The following FAM167A variants were observed in gnomAD, a reference collection of about 807,000 sequenced individuals.
FAM167A encodes family with sequence similarity 167 member A, also known as protein FAM167A.
In FAM167A, 23 loss-of-function variants were observed where a neutral mutation model predicts 14.9. That is an observed-to-expected ratio of 1.55 (90% CI 1.11 to 2.19). FAM167A has a LOEUF of 2.19. Among genes scored for constraint, FAM167A ranks in the 30% most tolerant of loss-of-function variants. The pLI, the probability that FAM167A is intolerant of heterozygous loss-of-function variation, is 0.00. For missense variants in FAM167A, 401 were observed against 281.5 expected (o/e 1.42, Z -3.04); for synonymous variants, 174 against 117.7 (o/e 1.48, Z -3.10).
chr8:11,472,297 C>T (rs986815135), upstream of FAM167A, among the ~76,000 whole-genome samples: 3 of 152,150 alleles, frequency 2.0e-5, no homozygotes, highest in African/African-American at 7.2e-5. Context: ...GCTGTTTTAT[C>T]TTGTGAACAC....
chr8:11,433,463 C>G (rs150727672), intron 2 of FAM167A, among the ~76,000 whole-genome samples: 54 of 152,286 alleles, frequency 3.5e-4, no homozygotes, highest in African/African-American at 1.2e-3. Context: ...CTTACGAAAC[C>G]CTCTGTTCTT....
In FAM167A at chr8:11,444,441, C is replaced by G. The variant is rs199861671; in HGVS notation, c.-30G>C. On this transcript the variant is annotated 5_prime_UTR_variant, in exon 2 of 3. Transcript: ENST00000284486. ...CAGTCTGCCCTGGCAGCCGGACATGCGAGGGCACGGGGGGCGCAGGGGGAG... is the reference window on the plus strand; with the variant it reads ...CAGTCTGCCCTGGCAGCCGGACATGGGAGGGCACGGGGGGCGCAGGGGGAG... 6.6e-7 allele frequency: 1 copy of G among 1,504,274 alleles called. No homozygotes were observed. The highest frequency in any genetic ancestry group is 1.3e-5 in the South Asian group (1 of 75,070). 93.2% of individuals were successfully genotyped at this position (1,504,274 alleles called of 1,614,324 possible).
chr8:11,446,013 G>C (rs1255674183), intron 1 of FAM167A, among the ~76,000 whole-genome samples: 12 of 128,872 alleles, frequency 9.3e-5, no homozygotes, highest in Non-Finnish European at 1.8e-4. Context: ...AAAACATCCC[G>C]GCCAAAAAAA....
intron 2 of FAM167A, 190 bp downstream of exon 2, chr8:11,443,841 T>TC (rs937518276): frequency 2.1e-5 from 14 of 675,102 alleles, no homozygotes; most frequent in African/African-American, 9.5e-5. Flanking sequence ...GACACCTGGG[T>TC]CCCCCCAGCC....
At chr8:11,428,547 G>A (rs894895097) in intron 2 of FAM167A, among the ~76,000 whole-genome samples, 1 of 152,252 alleles carries the variant, frequency 6.6e-6, no homozygotes. Flanking sequence ...AACATGAGGA[G>A]GGGGCTGGGA....
At chr8:11,449,701 G>C (rs1415528271) in intron 1 of FAM167A, among the ~76,000 whole-genome samples, 3 of 152,200 alleles carry the variant, frequency 2.0e-5, no homozygotes, top group African/African-American at 7.2e-5. Flanking sequence ...GGGCGCGTCA[G>C]CCTTTCTGCA....
intron 1 of FAM167A, among the ~76,000 whole-genome samples, chr8:11,456,824 G>C (rs1255642433): frequency 1.3e-5 from 2 of 149,110 alleles, no homozygotes; most frequent in Non-Finnish European, 3.0e-5. Flanking sequence ...TTAGGGACGT[G>C]GGTGGGGCTG....
intron 1 of FAM167A, among the ~76,000 whole-genome samples, chr8:11,445,868 G>T (rs903027594): frequency 2.0e-5 from 3 of 152,050 alleles, no homozygotes; most frequent in Admixed American, 1.3e-4. Flanking sequence ...AAAAAAGAAT[G>T]AATTGATATG....
intron 1 of FAM167A, among the ~76,000 whole-genome samples, chr8:11,456,796 G>A (rs536244823): frequency 5.4e-4 from 80 of 148,612 alleles, no homozygotes; most frequent in African/African-American, 1.9e-3. Flanking sequence ...CTGGCTAAGG[G>A]AAGTGAGTGG....
upstream of FAM167A, among the ~76,000 whole-genome samples, chr8:11,471,437 G>C (rs755753288): frequency 7.2e-5 from 11 of 152,148 alleles, no homozygotes; most frequent in Non-Finnish European, 1.5e-4. Context: ...GCTGGCTCAA[G>C]GTGATGAGGC....
At chr8:11,428,457 T>C (rs960029357) in intron 2 of FAM167A, among the ~76,000 whole-genome samples, 3 of 152,188 alleles carry the variant, frequency 2.0e-5, no homozygotes, top group African/African-American at 7.2e-5. Context: ...CAATTCTGCG[T>C]AAGGGTGAAA....
rs913857959 is a variant in FAM167A at position 11,444,828 on chromosome 8, C to T, written c.-397-20G>A. 1.7e-4 allele frequency: 170 copies of T among 997,650 alleles called. No individual in the cohort carries two copies. Among genetic ancestry groups the T allele is most frequent in the Middle Eastern group, 5.1e-4 (1 of 1,962 alleles). The allele number at this position is 997,650 out of a possible 1,614,324, so 61.8% of individuals were successfully genotyped here. On this transcript the variant is annotated intron_variant, in intron 1 of 2. Transcript: ENST00000284486. The stretch of plus-strand genomic sequence containing the variant: ...GAGACCCTGTGGGAGGGATGAGAAC[C>T]GCATCAGTCCCGATCCCTGCCCTGC...
At chr8:11,455,636 G>GGT (rs111808227) in intron 1 of FAM167A, among the ~76,000 whole-genome samples, 1 of 129,570 alleles carries the variant, frequency 7.7e-6, no homozygotes, top group African/African-American at 3.1e-5. Flanking sequence ...TGCTCTGCTG[G>GGT]GTGTGAGTGT....
Position 11,444,675 on chromosome 8 carries a change from G to A in FAM167A, c.-264C>T. 1 of 1,252,556 alleles carries A rather than the reference G, an allele frequency of 8.0e-7. No individual in the cohort carries two copies. Among genetic ancestry groups the A allele is most frequent in the Non-Finnish European group, 1.0e-6 (1 of 997,496 alleles). 77.6% of individuals were successfully genotyped at this position (1,252,556 alleles called of 1,614,324 possible). On this transcript the variant is annotated 5_prime_UTR_variant, in exon 2 of 3. Coordinates refer to ENST00000284486, the MANE Select transcript of FAM167A (RefSeq NM_053279.3). ...GGGTGCCATGCTCCACAGAAGGCAG[G>A]AACAGACAGCGTCGCAGGAATCTCG...
intron 1 of FAM167A, among the ~76,000 whole-genome samples, chr8:11,461,105 G>A (rs1807520316): frequency 1.3e-5 from 2 of 152,194 alleles, no homozygotes; most frequent in Admixed American, 1.3e-4. Flanking sequence ...GCTCCTGGGA[G>A]CCACAGATCT....
intron 1 of FAM167A, among the ~76,000 whole-genome samples, chr8:11,448,670 G>A (rs143937168): frequency 1.6e-4 from 25 of 152,328 alleles, no homozygotes; most frequent in African/African-American, 6.0e-4. Flanking sequence ...CCATAGAAGG[G>A]AGAGAACAGC....
chr8:11,427,093 A>G (rs1229468132), intron 2 of FAM167A, among the ~76,000 whole-genome samples: 2 of 152,216 alleles, frequency 1.3e-5, no homozygotes, highest in African/African-American at 2.4e-5. Context: ...CAGCTATCTT[A>G]TCTAGAAATA....
At chr8:11,475,660 A>G (rs188727580) in intron 1 of FAM167A, among the ~76,000 whole-genome samples, 9 of 152,300 alleles carry the variant, frequency 5.9e-5, no homozygotes, top group African/African-American at 2.2e-4. Flanking sequence ...CCATACAAAC[A>G]TATCCAGTAC....
intron 2 of FAM167A, among the ~76,000 whole-genome samples, chr8:11,426,051 A>T (rs1397844021): frequency 6.6e-6 from 1 of 152,208 alleles, no homozygotes; most frequent in African/African-American, 2.4e-5. Flanking sequence ...TTCTACCTGG[A>T]GGCTTCATCT....
Sources: allele counts gnomAD v4.1 joint callset (sites outside exome capture counted in the v4.1 genomes callset), GRCh38; gene constraint gnomAD v4.1.1; transcripts MANE v1.5; gene names NCBI Gene and HGNC (gene_info 2026-07-23, HGNC 2026-07-21).